MATN2: variants seen among roughly 807,000 people sequenced by gnomAD.
MATN2 encodes the protein matrilin 2.
MATN2 carries 69 observed loss-of-function variants against 103.2 expected under a neutral mutation model. The observed-to-expected ratio is 0.67, with a 90% CI of 0.55 to 0.82. The LOEUF is 0.82. MATN2 is among the 40% of genes least tolerant of loss of function. The pLI, the probability that MATN2 is intolerant of heterozygous loss-of-function variation, is 0.00. For synonymous variants in MATN2, 429 were observed against 450.2 expected (o/e 0.95, Z 0.60); for missense variants, 1,023 against 1,211.5 (o/e 0.84, Z 2.31).
intron 2 of MATN2, among the ~76,000 whole-genome samples, chr8:97,927,246 C>T (rs1427732811): frequency 2.6e-5 from 4 of 152,162 alleles, no homozygotes; most frequent in African/African-American, 4.8e-5. Flanking sequence ...CAGGTTCAAG[C>T]GATTCTCCTG....
At chr8:97,886,772 C>T (rs186423650) in intron 1 of MATN2, among the ~76,000 whole-genome samples, 1 of 152,262 alleles carries the variant, frequency 6.6e-6, no homozygotes, top group Non-Finnish European at 1.5e-5. Flanking sequence ...CACCCCTGCC[C>T]TGTCCCTGCC....
chr8:98,007,863 T>TC lies in MATN2; in HGVS notation c.1573+264dup, dbSNP rs1479200605. Among the ~76,000 whole-genome samples the TC allele has an allele frequency of 2.0e-5, 3 of 152,170 alleles. No individual in the cohort carries two copies. Among genetic ancestry groups the TC allele is most frequent in the African/African-American group, 7.2e-5 (3 of 41,430 alleles). The stretch of plus-strand genomic sequence containing the variant: ...ATTCTGAAGCTGGACAGAGCCCTTG[T>TC]CCTCAGCTCTCTCTGCTCTACCCCC... On this transcript the variant is annotated intron_variant, in intron 10 of 18. Coordinates refer to ENST00000254898, the MANE Select transcript of MATN2 (RefSeq NM_002380.5). This position sits in a 1 kb window ranked among gnomAD's most constrained non-coding sequence, Gnocchi z 4.2.
chr8:97,878,026 C>T (rs537949626), intron 1 of MATN2, among the ~76,000 whole-genome samples: 3 of 151,376 alleles, frequency 2.0e-5, no homozygotes, highest in South Asian at 2.1e-4. Context: ...AAAACAAAAC[C>T]GATGTTAGAG....
intron 4 of MATN2, among the ~76,000 whole-genome samples, chr8:97,952,462 C>T (rs1224348607): frequency 6.6e-6 from 1 of 152,186 alleles, no homozygotes; most frequent in Non-Finnish European, 1.5e-5. Context: ...TTGCCCCATG[C>T]TCCGTGCTCC....
chr8:97,947,116 A>C (rs1181660466), intron 4 of MATN2, among the ~76,000 whole-genome samples: 3 of 152,222 alleles, frequency 2.0e-5, no homozygotes, highest in Non-Finnish European at 2.9e-5. Context: ...TCATGCCTGC[A>C]ATCCTAGCAC....
intron 6 of MATN2, among the ~76,000 whole-genome samples, chr8:97,985,972 A>T (rs1357163283): frequency 6.6e-6 from 1 of 152,244 alleles, no homozygotes; most frequent in Non-Finnish European, 1.5e-5. Context: ...GTATAATAAT[A>T]AATCATAAGC....
At chr8:97,948,518 G>A (rs2060313711) in intron 4 of MATN2, among the ~76,000 whole-genome samples, 2 of 152,194 alleles carry the variant, frequency 1.3e-5, no homozygotes, top group South Asian at 4.1e-4. Context: ...CAATGGAACA[G>A]AACAGAATCG....
At position 98,036,698 on chromosome 8, in the gene MATN2, C is replaced by T. The variant is rs1814260760; in HGVS notation, c.*986C>T. The T allele has an allele frequency of 6.6e-6, 1 of 152,106 alleles. No homozygotes were observed. The highest frequency in any genetic ancestry group is 1.5e-5 in the Non-Finnish European group (1 of 68,020). 9.4% of individuals were successfully genotyped at this position (152,106 alleles called of 1,614,324 possible). ...TGTACAGGAATGTGCTACATCTATA[C>T]AAATAAATGGTCAAACTCAAAACAA... On this transcript the variant is annotated 3_prime_UTR_variant, in exon 19 of 19. Transcript: ENST00000254898.
At chr8:97,897,724 G>A (rs1283814970) in intron 2 of MATN2, among the ~76,000 whole-genome samples, 1 of 152,150 alleles carries the variant, frequency 6.6e-6, no homozygotes, top group Non-Finnish European at 1.5e-5. Context: ...CCATGGAGGC[G>A]CTGTCATGGC....
intron 1 of MATN2, among the ~76,000 whole-genome samples, chr8:97,880,174 C>CT (rs1818207656): frequency 6.6e-6 from 1 of 150,432 alleles, no homozygotes; most frequent in African/African-American, 2.5e-5. Context: ...GCCTCTGCCT[C>CT]TCGCGTTCAA....
At position 97,931,971 on chromosome 8, in the gene MATN2, GGGA is replaced by G. The variant is rs1810214113; in HGVS notation, c.712+450_712+452del. Among the ~76,000 whole-genome samples, 1 of 152,138 alleles carries G rather than the reference GGGA, an allele frequency of 6.6e-6. No homozygotes were observed. Among genetic ancestry groups the G allele is most frequent in the African/African-American group, 2.4e-5 (1 of 41,430 alleles). ...TCCTGCCTCAACCTCCCAAAGTGCT[GGGA>G]TTATAGGCATGAGCACCCAGCTAAG... On this transcript the variant is annotated intron_variant, in intron 3 of 18. Coordinates refer to ENST00000254898, the MANE Select transcript of MATN2 (RefSeq NM_002380.5). The surrounding 1 kb of genome is among the most constrained non-coding windows in gnomAD (Gnocchi z 4.1).
chr8:98,003,908 C>T, intron 8 of MATN2, 125 bp downstream of exon 8: 1 of 1,018,562 alleles, frequency 9.8e-7, no homozygotes, highest in Non-Finnish European at 1.5e-6. Context: ...TCAGGTGTAT[C>T]CTTCCTTATC....
chr8:98,000,029 T>C (rs529633080), intron 7 of MATN2, among the ~76,000 whole-genome samples: 8 of 151,956 alleles, frequency 5.3e-5, no homozygotes, highest in African/African-American at 1.9e-4. Flanking sequence ...TACAGATATG[T>C]ACCACCATGC....
In MATN2 at chr8:98,003,658, C is replaced by T. The variant is rs775599024; in HGVS notation, c.1205-3C>T. The T allele has an allele frequency of 1.2e-6, 2 of 1,613,756 alleles. No homozygotes were observed. The highest frequency in any genetic ancestry group is 2.2e-5 in the East Asian group (1 of 44,850). On this transcript the variant is annotated splice_region_variant and splice_polypyrimidine_tract_variant and intron_variant, in intron 7 of 18. Transcript: ENST00000254898. ...AAGGAAGGTCTGCCCTTCTTCCCCT[C>T]AGGGATCAACTACTGTGCACTGAAC...
At position 98,020,253 on chromosome 8, in the gene MATN2, T is replaced by G. The variant is rs573555162; in HGVS notation, c.1820-952T>G. 1.4e-4 allele frequency among the ~76,000 whole-genome samples: 21 copies of G among 152,290 alleles called. No individual in the cohort carries two copies. In the South Asian group the frequency reaches 4.1e-3, roughly 30 times the overall value. On this transcript the variant is annotated intron_variant, in intron 12 of 18. Coordinates refer to ENST00000254898, the MANE Select transcript of MATN2 (RefSeq NM_002380.5). The stretch of plus-strand genomic sequence containing the variant: ...CTCCACCTCCTGGGCTCAAGCGATC[T>G]TCCCACCTCAGCCTCCTGAGTAGCT...
intron 4 of MATN2, among the ~76,000 whole-genome samples, chr8:97,957,163 G>A (rs781678210): frequency 3.3e-5 from 5 of 152,192 alleles, no homozygotes; most frequent in African/African-American, 1.2e-4. Context: ...CCCACAGGAG[G>A]TGACATTTGA....
At chr8:97,902,618 A>AT (rs1819027642) in intron 2 of MATN2, among the ~76,000 whole-genome samples, 2 of 151,960 alleles carry the variant, frequency 1.3e-5, no homozygotes, top group Non-Finnish European at 2.9e-5. Context: ...GACCTGGGGG[A>AT]TGGGTGTGTG....
At chr8:97,908,946 C>CT (rs989386131) in intron 2 of MATN2, among the ~76,000 whole-genome samples, 206 of 148,394 alleles carry the variant, frequency 1.4e-3, no homozygotes, top group African/African-American at 3.7e-3. Context: ...TCCCCGCCCC[C>CT]TTTTTTTTTT....
intron 13 of MATN2, 51 bp from the exon 14 acceptor site, chr8:98,027,365 G>A: frequency 6.8e-7 from 1 of 1,467,666 alleles, no homozygotes. Flanking sequence ...CTACTCTTGT[G>A]CATAAATGAT....
Sources: allele counts gnomAD v4.1 joint callset (sites outside exome capture counted in the v4.1 genomes callset), GRCh38; gene constraint gnomAD v4.1.1; non-coding constraint Gnocchi (gnomAD v3.1); transcripts MANE v1.5; gene names NCBI Gene and HGNC (gene_info 2026-07-23, HGNC 2026-07-21).